The following BAZ2B variants were observed in gnomAD, a reference collection of about 807,000 sequenced individuals.
The protein encoded by BAZ2B is bromodomain adjacent to zinc finger domain protein 2B.
A neutral mutation model predicts 246.0 loss-of-function variants in BAZ2B; 91 were observed. The ratio of observed to expected loss-of-function variants is 0.37; its 90% confidence interval spans 0.31 to 0.44. The LOEUF (loss-of-function observed/expected upper bound fraction) is 0.44, where lower values mean the gene tolerates loss of function less well. BAZ2B is among the 20% of genes least tolerant of loss of function. The pLI is 1.00. For missense variants in BAZ2B, 2,332 were observed against 2,533.7 expected, an observed-to-expected ratio of 0.92 and a Z score of 1.71; for synonymous variants, 855 against 860.0, an observed-to-expected ratio of 0.99 and a Z score of 0.10.
At chr2:159,550,562 C>T (rs565010735) in intron 2 of BAZ2B, among the ~76,000 whole-genome samples, 3 of 152,002 alleles carry the variant, frequency 2.0e-5, no homozygotes, top group Admixed American at 2.0e-4. Flanking sequence ...TGTTTTTATT[C>T]TAGGTAGTGA....
At chr2:159,468,975 C>T (rs542422014) in intron 3 of BAZ2B, among the ~76,000 whole-genome samples, 14 of 148,452 alleles carry the variant, frequency 9.4e-5, no homozygotes, top group South Asian at 2.1e-4. Context: ...TGCTTGAACA[C>T]GGGAGGCAGA....
chr2:159,429,312 A>C, intron 10 of BAZ2B, 52 bp from the exon 11 acceptor site: 1 of 1,081,706 alleles, frequency 9.2e-7, no homozygotes, highest in Non-Finnish European at 1.3e-6. Flanking sequence ...TATAAATAAT[A>C]ATATTGATAG....
intron 1 of BAZ2B, among the ~76,000 whole-genome samples, chr2:159,565,526 C>A (rs1341225141): frequency 6.6e-6 from 1 of 152,110 alleles, no homozygotes; most frequent in Non-Finnish European, 1.5e-5. Context: ...CACCTGTAAT[C>A]CCAGCACTTT....
At chr2:159,645,753 C>T in the BAZ2B span, among the ~76,000 whole-genome samples, 140 of 152,004 alleles carry the variant, frequency 9.2e-4, no homozygotes, top group South Asian at 7.9e-3. Context: ...GCTGGGTGTC[C>T]GGGGGAGACA....
intron 27 of BAZ2B, among the ~76,000 whole-genome samples, chr2:159,355,963 C>A (rs1053783700): frequency 6.6e-6 from 1 of 152,216 alleles, no homozygotes; most frequent in African/African-American, 2.4e-5. Context: ...GGCCCAGATA[C>A]TACGCTTTTC....
chr2:159,550,419 C>T (rs960555241), intron 2 of BAZ2B, among the ~76,000 whole-genome samples: 1 of 151,972 alleles, frequency 6.6e-6, no homozygotes, highest in Non-Finnish European at 1.5e-5. Context: ...AGGAAGGGGG[C>T]GAAAAAGAGG....
intron 2 of BAZ2B, among the ~76,000 whole-genome samples, chr2:159,539,136 C>A (rs1330850547): frequency 1.3e-5 from 2 of 152,108 alleles, no homozygotes; most frequent in African/African-American, 2.4e-5. Flanking sequence ...TTTCTATAGT[C>A]AAAAAACATT....
chr2:159,671,667 A>G, the BAZ2B span, among the ~76,000 whole-genome samples: 1 of 152,294 alleles, frequency 6.6e-6, no homozygotes. Context: ...TATTAGTCAA[A>G]CTAGCAGAAA....
chr2:159,370,740 C>G (rs1405273005), intron 27 of BAZ2B, among the ~76,000 whole-genome samples: 1 of 152,062 alleles, frequency 6.6e-6, no homozygotes, highest in Non-Finnish European at 1.5e-5. Context: ...AAAACTTTGA[C>G]TTAATTTCAT....
chr2:159,690,941 T>C, the BAZ2B span, among the ~76,000 whole-genome samples: 1 of 152,206 alleles, frequency 6.6e-6, no homozygotes, highest in Admixed American at 6.5e-5. Flanking sequence ...AATTACTAGA[T>C]ATCCTTGCCT....
chr2:159,662,950 C>A, the BAZ2B span, among the ~76,000 whole-genome samples: 2 of 152,050 alleles, frequency 1.3e-5, no homozygotes, highest in African/African-American at 4.8e-5. Flanking sequence ...TGCTTATAAA[C>A]CATTTATATA....
At chr2:159,342,710 A>C (rs1443828857) in intron 31 of BAZ2B, among the ~76,000 whole-genome samples, 1 of 152,216 alleles carries the variant, frequency 6.6e-6, no homozygotes, top group African/African-American at 2.4e-5. Flanking sequence ...CTAGGAGTAA[A>C]TTTAACCAAA....
chr2:159,668,603 A>T, the BAZ2B span, among the ~76,000 whole-genome samples: 1 of 152,132 alleles, frequency 6.6e-6, no homozygotes, highest in African/African-American at 2.4e-5. Context: ...TTCTTTTCAA[A>T]TAATCAGACA....
chr2:159,356,012 C>T (rs956069382), intron 27 of BAZ2B, among the ~76,000 whole-genome samples: 10 of 152,216 alleles, frequency 6.6e-5, no homozygotes, highest in African/African-American at 9.6e-5. Context: ...AGATTGCCTC[C>T]GGTGCCTATG....
intron 30 of BAZ2B, 77 bp from the exon 31 acceptor site, chr2:159,347,723 T>A: frequency 1.6e-6 from 2 of 1,277,712 alleles, no homozygotes; most frequent in Non-Finnish European, 1.1e-6. Flanking sequence ...AGAAAGTGAA[T>A]AAAATTCTAG....
At chr2:159,483,031 G>C (rs2079414305) in intron 2 of BAZ2B, among the ~76,000 whole-genome samples, 1 of 151,906 alleles carries the variant, frequency 6.6e-6, no homozygotes, top group South Asian at 2.1e-4. Context: ...AAATGATCAC[G>C]AACTAACCCA....
chr2:159,321,232 A>G (rs1475096530), intron 36 of BAZ2B, among the ~76,000 whole-genome samples: 1 of 152,232 alleles, frequency 6.6e-6, no homozygotes, highest in Non-Finnish European at 1.5e-5. Flanking sequence ...GCTTTTAGAA[A>G]TGCAAATTTT....
intron 16 of BAZ2B, among the ~76,000 whole-genome samples, chr2:159,403,645 C>T (rs953146723): frequency 4.6e-5 from 7 of 152,052 alleles, no homozygotes; most frequent in African/African-American, 1.7e-4. Context: ...CTAGCAGTCA[C>T]AATTAACAAA....
intron 1 of BAZ2B, among the ~76,000 whole-genome samples, chr2:159,596,935 T>C (rs1690859662): frequency 6.6e-6 from 1 of 152,218 alleles, no homozygotes; most frequent in Admixed American, 6.5e-5. Flanking sequence ...CTGGATCAAA[T>C]GGTTGTTCTA....
Sources: allele counts gnomAD v4.1 joint callset (sites outside exome capture counted in the v4.1 genomes callset), GRCh38; gene constraint gnomAD v4.1.1; transcripts MANE v1.5; gene names NCBI Gene and HGNC (gene_info 2026-07-23, HGNC 2026-07-21).